RALGAPB: variants seen among roughly 807,000 people sequenced by gnomAD.
The protein encoded by RALGAPB is Ral GTPase activating protein non-catalytic subunit beta.
In RALGAPB, 25 loss-of-function variants were observed where a neutral mutation model predicts 161.1. The observed-to-expected ratio is 0.16, with a 90% CI of 0.11 to 0.22. RALGAPB has a LOEUF of 0.22. Among genes scored for constraint, RALGAPB ranks in the 10% least tolerant of loss-of-function variants. RALGAPB has a pLI of 1.00. For synonymous variants in RALGAPB, 629 were observed against 626.1 expected (o/e 1.00, Z -0.07); for missense variants, 1,391 against 1,815.2 (o/e 0.77, Z 4.25).
chr20:38,521,221 T>C (rs2086279998), intron 9 of RALGAPB, among the ~76,000 whole-genome samples: 1 of 152,244 alleles, frequency 6.6e-6, no homozygotes, highest in East Asian at 1.9e-4. Flanking sequence ...TACAGATATA[T>C]ACAAATGTAC....
chr20:38,532,993 T>G (rs1184601861), intron 15 of RALGAPB, 134 bp downstream of exon 15: 1 of 1,052,540 alleles, frequency 9.5e-7, no homozygotes, highest in African/African-American at 1.6e-5. Context: ...GATGTCAGTC[T>G]TAAGAAGCTA....
intron 6 of RALGAPB, among the ~76,000 whole-genome samples, chr20:38,509,641 T>C (rs1022308513): frequency 1.3e-5 from 2 of 152,202 alleles, no homozygotes; most frequent in Non-Finnish European, 2.9e-5. Context: ...CACCCTAAAA[T>C]TTCACAGAGG....
intron 1 of RALGAPB, among the ~76,000 whole-genome samples, chr20:38,486,208 G>C (rs1954217892): frequency 6.6e-6 from 1 of 151,896 alleles, no homozygotes; most frequent in African/African-American, 2.4e-5. Flanking sequence ...CCTGACCTCA[G>C]GTGATCCACC....
chr20:38,552,160 G>T (rs1444096440), intron 21 of RALGAPB, among the ~76,000 whole-genome samples: 2 of 146,458 alleles, frequency 1.4e-5, no homozygotes, highest in African/African-American at 2.5e-5. Context: ...TTTTTTCTGA[G>T]ATGGAGTTTC....
intron 2 of RALGAPB, among the ~76,000 whole-genome samples, chr20:38,489,807 C>G (rs1007586169): frequency 6.6e-6 from 1 of 152,114 alleles, no homozygotes; most frequent in Admixed American, 6.6e-5. Context: ...GAACATTTTT[C>G]TCTCTTCAGA....
At chr20:38,506,994 G>A (rs946942009) in intron 5 of RALGAPB, among the ~76,000 whole-genome samples, 1 of 152,144 alleles carries the variant, frequency 6.6e-6, no homozygotes, top group South Asian at 2.1e-4. Context: ...AGCACTTTGG[G>A]AGGCTGAGGC....
At position 38,551,336 on chromosome 20, in the gene RALGAPB, G is replaced by C. The variant is rs140134647; in HGVS notation, c.3162+113G>C. On this transcript the variant is annotated intron_variant, in intron 21 of 29. Coordinates refer to ENST00000262879, the MANE Select transcript of RALGAPB (RefSeq NM_020336.4). ...TTGGAGATGATTTTTAAGATGACAT[G>C]GGCCTCCATCATCCAGGAGGTTGCC... 1.3e-3 allele frequency: 1,532 copies of C among 1,216,970 alleles called. 12 individuals carry two copies. In the East Asian group the frequency reaches 0.013, roughly 11 times the overall value. The allele number at this position is 1,216,970 out of a possible 1,614,324, so 75.4% of individuals were successfully genotyped here. A position where few individuals can be genotyped will look rare whatever the true frequency, so the allele number is the denominator to read the frequency against.
intron 1 of RALGAPB, among the ~76,000 whole-genome samples, chr20:38,478,703 A>G (rs1441448688): frequency 2.0e-5 from 3 of 150,062 alleles, no homozygotes; most frequent in Admixed American, 6.6e-5. Context: ...CGCAGCCTCC[A>G]CCTCCTGGGT....
In RALGAPB at chr20:38,497,501, C is replaced by T; in HGVS notation, c.538C>T (p.Pro180Ser). The T allele has an allele frequency of 2.5e-6, 4 of 1,609,212 alleles. No homozygotes were observed. The highest frequency in any genetic ancestry group is 3.4e-6 in the Non-Finnish European group (4 of 1,178,584). Residue 180 changes from proline to serine, a missense_variant, in exon 4 of 30, where the codon CCA becomes TCA. Coordinates refer to ENST00000262879, the MANE Select transcript of RALGAPB (RefSeq NM_020336.4). Reference protein sequence around the residue: ...LLQINDILLAPPTVQGGIAEN... With the variant: ...LLQINDILLASPTVQGGIAEN... ...GCAGATTAACGACATACTTCTGGCC[C>T]CACCAACTGTTCAAGGTTTGTTTAT... is the stretch of plus-strand genomic sequence containing the variant.
intron 29 of RALGAPB, 88 bp from the exon 30 acceptor site, chr20:38,574,686 T>C: frequency 1.6e-6 from 2 of 1,284,004 alleles, no homozygotes; most frequent in Non-Finnish European, 2.2e-6. Flanking sequence ...GTTTTGAGTA[T>C]GCGGAGAATA....
chr20:38,481,571 A>G, intron 1 of RALGAPB, among the ~76,000 whole-genome samples: 1 of 152,192 alleles, frequency 6.6e-6, no homozygotes. Context: ...TTGCCCCCAT[A>G]ATTCAGTCAC....
intron 1 of RALGAPB, among the ~76,000 whole-genome samples, chr20:38,483,924 C>T (rs1695155011): frequency 6.6e-6 from 1 of 152,136 alleles, no homozygotes; most frequent in Non-Finnish European, 1.5e-5. Flanking sequence ...GGCGCAGTGG[C>T]TCATGCCTGT....
intron 12 of RALGAPB, 30 bp from the exon 13 acceptor site, chr20:38,525,865 G>C: frequency 6.2e-7 from 1 of 1,606,194 alleles, no homozygotes; most frequent in Non-Finnish European, 8.5e-7. Context: ...TGCAACAGCT[G>C]ATGTTAAATA....
Position 38,541,148 on chromosome 20 carries a change from T to A in RALGAPB, c.2670T>A (p.Pro890=). 6.2e-7 allele frequency: 1 copy of A among 1,614,108 alleles called. No individual in the cohort carries two copies. Among genetic ancestry groups the A allele is most frequent in the Non-Finnish European group, 8.5e-7 (1 of 1,179,996 alleles). The change falls in exon 18 of 30, where the codon CCT becomes CCA. Residue 890 remains proline, a synonymous_variant. Transcript: ENST00000262879. ...ACAAAGGAGATAAGGAGCCAAACCC[T>A]GCATCTATGAGGGTAAAGGATGCTG... ...VKYKGDKEPN[P]ASMRVKDAAE...
intron 26 of RALGAPB, chr20:38,569,478 C>T (rs1475451688): frequency 6.3e-6 from 1 of 158,580 alleles, no homozygotes; most frequent in Non-Finnish European, 1.4e-5. Context: ...CTAGGAATAA[C>T]TTGCTGATGG....
At chr20:38,500,501 G>C (rs2085556190) in intron 5 of RALGAPB, among the ~76,000 whole-genome samples, 1 of 152,152 alleles carries the variant, frequency 6.6e-6, no homozygotes, top group African/African-American at 2.4e-5. Flanking sequence ...TGTTCTGACA[G>C]CTCCACTGAC....
intron 1 of RALGAPB, among the ~76,000 whole-genome samples, chr20:38,485,400 C>A (rs146064251): frequency 6.6e-6 from 1 of 152,214 alleles, no homozygotes; most frequent in African/African-American, 2.4e-5. Context: ...GTCCTTACCT[C>A]CTCATCAGAG....
At chr20:38,548,376 T>A (rs1473175167) in intron 19 of RALGAPB, among the ~76,000 whole-genome samples, 1 of 152,266 alleles carries the variant, frequency 6.6e-6, no homozygotes, top group East Asian at 1.9e-4. Flanking sequence ...GTATGTGAGA[T>A]GATCTTAGTT....
chr20:38,496,600 T>G (rs2085434561), intron 3 of RALGAPB, among the ~76,000 whole-genome samples: 1 of 152,236 alleles, frequency 6.6e-6, no homozygotes, highest in Non-Finnish European at 1.5e-5. Flanking sequence ...GACCTCTATC[T>G]TCATCTTCAG....
Sources: allele counts gnomAD v4.1 joint callset (sites outside exome capture counted in the v4.1 genomes callset), GRCh38; gene constraint gnomAD v4.1.1; transcripts MANE v1.5; gene names NCBI Gene and HGNC (gene_info 2026-07-23, HGNC 2026-07-21).